FBH1: variants seen among roughly 807,000 people sequenced by gnomAD.
FBH1 encodes the protein F-box DNA helicase 1, also known as DNA 3'-5' helicase 1.
A neutral mutation model predicts 115.5 loss-of-function variants in FBH1; 43 were observed. The ratio of observed to expected loss-of-function variants is 0.37; its 90% CI spans 0.29 to 0.48. The LOEUF (loss-of-function observed/expected upper bound fraction) is 0.48. Among genes scored for constraint, FBH1 ranks in the 20% least tolerant of loss-of-function variants. The probability of loss-of-function intolerance (pLI) is 0.99; values close to 1 mark genes in which losing one functional copy is unlikely to be tolerated. For synonymous variants in FBH1, 524 were observed against 507.8 expected (o/e 1.03, Z -0.43); for missense variants, 1,001 against 1,337.3 (o/e 0.75, Z 3.92).
At chr10:5,934,153 T>C (rs1443600482) in intron 19 of FBH1, 2 of 152,146 alleles carry the variant, frequency 1.3e-5, no homozygotes, top group East Asian at 3.8e-4. Context: ...AAGCGAGCCA[T>C]TGCTTCCTGC....
At position 5,937,559 on chromosome 10, in the gene FBH1, A is replaced by G; in HGVS notation, c.*279A>G. ...ATTTATGTATTTAAACTTTTATTACAAGATTTCAATTAAACAGGCACCATA... is the reference window on the plus strand; with the variant it reads ...ATTTATGTATTTAAACTTTTATTACGAGATTTCAATTAAACAGGCACCATA... On this transcript the variant is annotated 3_prime_UTR_variant, in exon 21 of 21. Coordinates refer to ENST00000362091, the MANE Select transcript of FBH1 (RefSeq NM_178150.3). The G allele has an allele frequency of 3.9e-6, 1 of 256,076 alleles. No homozygotes were observed. Among genetic ancestry groups the G allele is most frequent in the Non-Finnish European group, 7.3e-6 (1 of 137,030 alleles). 15.9% of individuals were successfully genotyped at this position (256,076 alleles called of 1,614,324 possible). A position where few individuals can be genotyped will look rare whatever the true frequency, so the allele number is the denominator to read the frequency against.
chr10:5,915,085 C>A lies in FBH1; in HGVS notation c.1397-318C>A, dbSNP rs977009049. On this transcript the variant is annotated intron_variant, in intron 8 of 20. Transcript: ENST00000362091. This position sits in a 1 kb window ranked among gnomAD's most constrained non-coding sequence, Gnocchi z 5.2. ...CCCTACCCTCCTATCCTGAGGGGTC[C>A]TTTTTGCCCTCGGGAACCCTACCTC... Among the ~76,000 whole-genome samples, 3 of 152,114 alleles carry A rather than the reference C, an allele frequency of 2.0e-5. No homozygotes were observed. Among genetic ancestry groups the A allele is most frequent in the Non-Finnish European group, 4.4e-5 (3 of 68,014 alleles).
At chr10:5,903,915 A>G (rs1843531167) in intron 2 of FBH1, among the ~76,000 whole-genome samples, 1 of 152,160 alleles carries the variant, frequency 6.6e-6, no homozygotes, top group African/African-American at 2.4e-5. Context: ...TTGCTCCTTG[A>G]CTTCAGATTT....
At chr10:5,912,358 G>A (rs1831647723) in intron 6 of FBH1, among the ~76,000 whole-genome samples, 1 of 132,990 alleles carries the variant, frequency 7.5e-6, no homozygotes, top group Non-Finnish European at 1.7e-5. Flanking sequence ...GTGAGGCTCT[G>A]TCTAAAAAAA....
In FBH1 at chr10:5,925,920, G is replaced by A. The variant is rs1832619055; in HGVS notation, c.2722+428G>A. 6.6e-6 allele frequency among the ~76,000 whole-genome samples: 1 copy of A among 152,074 alleles called. No individual in the cohort carries two copies. The highest frequency in any genetic ancestry group is 2.4e-5 in the African/African-American group (1 of 41,396). On this transcript the variant is annotated intron_variant, in intron 18 of 20. Coordinates refer to ENST00000362091, the MANE Select transcript of FBH1 (RefSeq NM_178150.3). This position sits in a 1 kb window ranked among gnomAD's most constrained non-coding sequence, Gnocchi z 4.6. ...AAAACCACAAAAGGAGAAATAGTAA[G>A]CATTCTTTATCATTTGTCTGGTGTT...
At chr10:5,916,844 G>T (rs1416434883) in intron 10 of FBH1, among the ~76,000 whole-genome samples, 1 of 152,216 alleles carries the variant, frequency 6.6e-6, no homozygotes, top group Admixed American at 6.5e-5. Flanking sequence ...GCTGTGAATT[G>T]TTGGGTATTT....
chr10:5,930,044 CTTTTTG>C (rs202212361), intron 19 of FBH1, among the ~76,000 whole-genome samples: 1,915 of 152,154 alleles, frequency 0.013, 29 homozygotes, highest in African/African-American at 0.036. Context: ...CTACACAGGA[CTTTTTG>C]TTTTTGCTTA....
intron 1 of FBH1, among the ~76,000 whole-genome samples, chr10:5,901,776 C>T (rs1358750375): frequency 6.6e-6 from 1 of 151,952 alleles, no homozygotes; most frequent in East Asian, 1.9e-4. Flanking sequence ...TGTTGCCAGG[C>T]TGGTCTTGAG....
intron 18 of FBH1, among the ~76,000 whole-genome samples, chr10:5,926,805 G>A (rs1832677930): frequency 6.6e-6 from 1 of 152,222 alleles, no homozygotes; most frequent in South Asian, 2.1e-4. Flanking sequence ...CAATTCAGCA[G>A]CTTTTTGCAC....
Position 5,903,045 on chromosome 10 carries a change from T to C in FBH1, c.27T>C (p.Leu9=). 6.2e-7 allele frequency: 1 copy of C among 1,613,220 alleles called. No individual in the cohort carries two copies. The highest frequency in any genetic ancestry group is 8.5e-7 in the Non-Finnish European group (1 of 1,179,512). The change falls in exon 2 of 21, where the codon CTT becomes CTC. Residue 9 remains leucine (L), a synonymous_variant. Coordinates refer to ENST00000362091, the MANE Select transcript of FBH1 (RefSeq NM_178150.3). MRRFKRKH[L]TAIDCQHLAR... The stretch of plus-strand genomic sequence containing the variant: ...TGAGACGGTTTAAGCGGAAGCATCT[T>C]ACTGCCATTGACTGCCAGCATTTGG...
chr10:5,917,623 C>T lies in FBH1; in HGVS notation c.1910C>T (p.Ser637Leu), dbSNP rs776948225. The T allele has an allele frequency of 5.0e-6, 8 of 1,614,102 alleles. No homozygotes were observed. The highest frequency in any genetic ancestry group is 3.3e-5 in the South Asian group (3 of 91,078). The change falls in exon 12 of 21, where the codon TCG becomes TTG. Residue 637 changes from serine to leucine, a missense_variant. By Grantham distance (145) the Ser-to-Leu change is moderately radical (BLOSUM62 -2). This residue lies in a region of FBH1 where 521 missense variants were observed against 811.0 expected (regional missense o/e 0.64). Transcript: ENST00000362091. This position sits in a 1 kb window ranked among gnomAD's most constrained non-coding sequence, Gnocchi z 5.6. Reference protein sequence around the residue: ...YLKLWQLSKPSLASFDAIFVD... With the variant: ...YLKLWQLSKPLLASFDAIFVD... The stretch of plus-strand genomic sequence containing the variant: ...AAACTCTGGCAGCTGAGCAAGCCTT[C>T]GCTGGCCTCTTTTGACGCCATCTTT...
rs180983736 is a variant in FBH1 at position 5,915,712 on chromosome 10, C to T, written c.1565+141C>T. On this transcript the variant is annotated intron_variant, in intron 9 of 20. Transcript: ENST00000362091. The surrounding 1 kb of genome is among the most constrained non-coding windows in gnomAD (Gnocchi z 5.2). ...GTTATCTCCACTTACAGGCAGGAAA[C>T]AAATACATAGGTTTAGCCATTTGTA... 2.4e-5 allele frequency: 17 copies of T among 701,400 alleles called. No individual in the cohort carries two copies. Among genetic ancestry groups the T allele is most frequent in the African/African-American group, 2.3e-4 (13 of 56,120 alleles). 43.4% of individuals were successfully genotyped at this position (701,400 alleles called of 1,614,324 possible). A position where few individuals can be genotyped will look rare whatever the true frequency, so the allele number is the denominator to read the frequency against.
Position 5,908,847 on chromosome 10 carries a change from G to A in FBH1, c.754-78G>A, listed in dbSNP as rs1257773575. On this transcript the variant is annotated intron_variant, in intron 3 of 20. Coordinates refer to ENST00000362091, the MANE Select transcript of FBH1 (RefSeq NM_178150.3). ...GCTAGTCTCAAACTCCTGACCTCAG[G>A]CGATCTGCCCGCCTCATTAATCTGC... 27 of 1,514,604 alleles carry A rather than the reference G, an allele frequency of 1.8e-5. No homozygotes were observed. In the East Asian group the frequency reaches 2.0e-4, roughly 11 times the overall value. The allele number at this position is 1,514,604 out of a possible 1,614,324, so 93.8% of individuals were successfully genotyped here. A position where few individuals can be genotyped will look rare whatever the true frequency, so the allele number is the denominator to read the frequency against.
chr10:5,891,314 C>T (rs754980870), intron 1 of FBH1, among the ~76,000 whole-genome samples: 1 of 152,172 alleles, frequency 6.6e-6, no homozygotes, highest in Non-Finnish European at 1.5e-5. Context: ...CAGAACTAGT[C>T]CAAGTACCAG....
At chr10:5,902,801 T>C (rs1458508946) in intron 1 of FBH1, among the ~76,000 whole-genome samples, 1 of 151,142 alleles carries the variant, frequency 6.6e-6, no homozygotes, top group Non-Finnish European at 1.5e-5. Context: ...AAACTTAAGA[T>C]CTTAAAATGT....
chr10:5,914,211 G>C lies in FBH1; in HGVS notation c.1338G>C (p.Gln446His), dbSNP rs771558987. Residue 446 changes from glutamine to histidine, a missense_variant, in exon 8 of 21, where the codon CAG becomes CAC. Coordinates refer to ENST00000362091, the MANE Select transcript of FBH1 (RefSeq NM_178150.3). This position sits in a 1 kb window ranked among gnomAD's most constrained non-coding sequence, Gnocchi z 5.2. ...CCATCCAACTTACACATGAACAACA[G>C]CTGATTCTGAATCACAAGATGGAAC... ...KKTIQLTHEQQLILNHKMEPL... is the reference protein window; with the variant it reads ...KKTIQLTHEQHLILNHKMEPL... 4 of 1,614,076 alleles carry C rather than the reference G, an allele frequency of 2.5e-6. No individual in the cohort carries two copies. In the South Asian group the frequency reaches 4.4e-5, roughly 18 times the overall value.
At chr10:5,894,619 G>T (rs968722461) in intron 1 of FBH1, 5 of 738,356 alleles carry the variant, frequency 6.8e-6, no homozygotes, top group Admixed American at 2.0e-5. Context: ...GCACTTAGGA[G>T]CTCTGGGAGA....
In FBH1 at chr10:5,918,457, C is replaced by A. The variant is rs769876654; in HGVS notation, c.2079C>A (p.Thr693=). 1 of 1,601,548 alleles carries A rather than the reference C, an allele frequency of 6.2e-7. No homozygotes were observed. The highest frequency in any genetic ancestry group is 1.1e-5 in the South Asian group (1 of 89,410). ...ACGCCCTGTTCACAGTGCCCCACAC[C>A]CACGTCTTCTATCTCACGCAGGTAA... ...AVNALFTVPH[T]HVFYLTQSFR... is the part of the protein sequence containing the mutation. The change falls in exon 13 of 21, where the codon ACC becomes ACA. Residue 693 remains threonine, a synonymous_variant. Transcript: ENST00000362091. The surrounding 1 kb of genome is among the most constrained non-coding windows in gnomAD (Gnocchi z 4.0).
At position 5,914,494 on chromosome 10, in the gene FBH1, C is replaced by T. The variant is rs1831804761; in HGVS notation, c.1396+225C>T. Among the ~76,000 whole-genome samples, 1 of 152,258 alleles carries T rather than the reference C, an allele frequency of 6.6e-6. No individual in the cohort carries two copies. The highest frequency in any genetic ancestry group is 1.5e-5 in the Non-Finnish European group (1 of 68,042). ...AATTCCTGTTGAGACAGGTAGTTCA[C>T]AGCAGTTAGTTGGTCGGGCAGATGC... On this transcript the variant is annotated intron_variant, in intron 8 of 20. Coordinates refer to ENST00000362091, the MANE Select transcript of FBH1 (RefSeq NM_178150.3). This position sits in a 1 kb window ranked among gnomAD's most constrained non-coding sequence, Gnocchi z 5.2.
Sources: allele counts gnomAD v4.1 joint callset (sites outside exome capture counted in the v4.1 genomes callset), GRCh38; gene constraint gnomAD v4.1.1; regional missense constraint gnomAD v4.1.1; non-coding constraint Gnocchi (gnomAD v3.1); transcripts MANE v1.5; gene names NCBI Gene and HGNC (gene_info 2026-07-23, HGNC 2026-07-21).